The following METTL4 variants were observed in gnomAD, a reference collection of about 807,000 sequenced individuals.
METTL4 encodes the protein N(6)-adenine-specific methyltransferase METTL4.
METTL4 carries 40 observed loss-of-function variants against 54.0 expected under a neutral mutation model. The observed-to-expected ratio is 0.74, with a 90% CI of 0.58 to 0.96. The LOEUF is 0.96. METTL4 is among the 50% of genes least tolerant of loss of function. The pLI is 0.00. For synonymous variants in METTL4, 169 were observed against 183.8 expected, an observed-to-expected ratio of 0.92 and a Z score of 0.65; for missense variants, 525 against 549.0, an observed-to-expected ratio of 0.96 and a Z score of 0.44.
chr18:2,546,438 C>T (rs996704753), intron 6 of METTL4, among the ~76,000 whole-genome samples: 1 of 152,158 alleles, frequency 6.6e-6, no homozygotes, highest in African/African-American at 2.4e-5. Flanking sequence ...TCAGTACCAT[C>T]CATGGTTTCA....
rs543307631 is a variant in METTL4 at position 2,547,603 on chromosome 18, A to G, written c.900-74T>C. The G allele has an allele frequency of 1.2e-5, 14 of 1,161,680 alleles. No individual in the cohort carries two copies. In the East Asian group the frequency reaches 3.5e-4, roughly 29 times the overall value. 72.0% of individuals were successfully genotyped at this position (1,161,680 alleles called of 1,614,324 possible). A position where few individuals can be genotyped will look rare whatever the true frequency, so the allele number is the denominator to read the frequency against. On this transcript the variant is annotated intron_variant, in intron 5 of 8. Transcript: ENST00000574538. ...AAAACTAAGCAGGGATAAGACATGC[A>G]TAACACAGACTCCACAAATGCAAAG...
intron 3 of METTL4, chr18:2,561,650 A>C (rs2072320291): frequency 6.6e-6 from 1 of 152,240 alleles, no homozygotes; most frequent in Non-Finnish European, 1.5e-5. Flanking sequence ...GCACTACCGG[A>C]TAGTCAAACC....
At position 2,544,778 on chromosome 18, in the gene METTL4, C is replaced by G; in HGVS notation, c.1075-19G>C. 6.5e-7 allele frequency: 1 copy of G among 1,532,838 alleles called. No homozygotes were observed. The highest frequency in any genetic ancestry group is 9.0e-7 in the Non-Finnish European group (1 of 1,108,732). 95.0% of individuals were successfully genotyped at this position (1,532,838 alleles called of 1,614,324 possible). ...TGGTTATCTGATAGGAAGGAGCCAACAAAAGAGGGTTATTTTTTCCCATCA... is the reference window on the plus strand; with the variant it reads ...TGGTTATCTGATAGGAAGGAGCCAAGAAAAGAGGGTTATTTTTTCCCATCA... On this transcript the variant is annotated intron_variant, in intron 6 of 8. Transcript: ENST00000574538.
rs116139951 is a variant in METTL4, at chr18:2,547,899, G to T, written c.900-370C>A. Among the ~76,000 whole-genome samples, 695 of 152,162 alleles carry T rather than the reference G, an allele frequency of 4.6e-3. 7 individuals are homozygous for T. Among genetic ancestry groups the T allele is most frequent in the African/African-American group, 0.016 (660 of 41,498 alleles). On this transcript the variant is annotated intron_variant, in intron 5 of 8. Coordinates refer to ENST00000574538, the MANE Select transcript of METTL4 (RefSeq NM_022840.5). ...GCCCTGTCACAGTGAGTCTTGAAACGAGTCTCTCAATAACCTAAGTCAAAC... is the reference window on the plus strand; with the variant it reads ...GCCCTGTCACAGTGAGTCTTGAAACTAGTCTCTCAATAACCTAAGTCAAAC...
intron 2 of METTL4, among the ~76,000 whole-genome samples, chr18:2,565,171 C>T (rs992787373): frequency 4.0e-5 from 6 of 151,848 alleles, no homozygotes; most frequent in Non-Finnish European, 7.4e-5. Flanking sequence ...CCCAGCTACT[C>T]GGGAGGCTGA....
At chr18:2,542,383 A>G (rs1000397669) in intron 8 of METTL4, among the ~76,000 whole-genome samples, 1 of 126,738 alleles carries the variant, frequency 7.9e-6, no homozygotes, top group Admixed American at 9.6e-5. Context: ...CAGTCCCCAG[A>G]GTGTGATGTT....
intron 1 of METTL4, among the ~76,000 whole-genome samples, chr18:2,570,465 G>C (rs2072486450): frequency 6.6e-6 from 1 of 152,186 alleles, no homozygotes; most frequent in Non-Finnish European, 1.5e-5. Flanking sequence ...CAACTATCTA[G>C]TCAGAAAAGC....
chr18:2,551,923 G>C (rs531553406), intron 5 of METTL4, among the ~76,000 whole-genome samples: 1 of 152,184 alleles, frequency 6.6e-6, no homozygotes, highest in African/African-American at 2.4e-5. Context: ...GGCCAGGCAC[G>C]GTGGCTCACG....
intron 8 of METTL4, chr18:2,540,424 G>A: frequency 1.0e-6 from 1 of 982,968 alleles, no homozygotes; most frequent in Non-Finnish European, 1.2e-6. Context: ...AGACAGGTAA[G>A]GTTTAAAAGA....
rs1355423499 is a variant in METTL4, at chr18:2,567,598, C to CT, written c.-383dup. ...TTGCTTTGGTCCTTGGGTCTAGCCA[C>CT]TAGGTCCACATCCTCCAAGTCAGGA... On this transcript the variant is annotated 5_prime_UTR_variant, in exon 2 of 9. The change abolishes the stop of an existing upstream ORF in the 5' untranslated region. Transcript: ENST00000574538. 6.1e-6 allele frequency: 1 copy of CT among 162,828 alleles called. No homozygotes were observed. The highest frequency in any genetic ancestry group is 2.4e-5 in the African/African-American group (1 of 41,600). 10.1% of individuals were successfully genotyped at this position (162,828 alleles called of 1,614,324 possible).
At chr18:2,557,444 G>C (rs2072255372) in intron 3 of METTL4, among the ~76,000 whole-genome samples, 1 of 152,182 alleles carries the variant, frequency 6.6e-6, no homozygotes, top group Non-Finnish European at 1.5e-5. Flanking sequence ...TCTCTGAGCA[G>C]AGGCACTGAC....
intron 8 of METTL4, chr18:2,540,921 C>CTAGT: frequency 1.0e-6 from 1 of 985,204 alleles, no homozygotes; most frequent in Admixed American, 6.1e-5. Context: ...TCTGAGCACC[C>CTAGT]ACTATAATCA....
At chr18:2,543,423 T>C (rs73938957) in intron 8 of METTL4, among the ~76,000 whole-genome samples, 1,719 of 152,296 alleles carry the variant, frequency 0.011, 27 homozygotes, top group South Asian at 0.042. Context: ...TATTTCTATG[T>C]TTTTAAACTC....
At chr18:2,544,899 T>G (rs1210268950) in intron 6 of METTL4, 140 bp from the exon 7 acceptor site, 5 of 500,556 alleles carry the variant, frequency 1.0e-5, no homozygotes, top group Non-Finnish European at 1.8e-5. Context: ...CATTTTAAAT[T>G]TTCTAATAGA....
intron 2 of METTL4, among the ~76,000 whole-genome samples, chr18:2,565,278 CA>C (rs1388205365): frequency 0.01 from 1,446 of 142,958 alleles, 28 homozygotes; most frequent in African/African-American, 0.035. Flanking sequence ...GACTCCGTCT[CA>C]AAAAAAAAAA....
chr18:2,550,935 C>T (rs948708929), intron 5 of METTL4, among the ~76,000 whole-genome samples: 4 of 151,768 alleles, frequency 2.6e-5, no homozygotes, highest in African/African-American at 4.8e-5. Flanking sequence ...GAGGCCGAGG[C>T]GGGCGGATCA....
chr18:2,557,619 G>C (rs771581820), intron 3 of METTL4, among the ~76,000 whole-genome samples: 5 of 152,202 alleles, frequency 3.3e-5, no homozygotes, highest in Non-Finnish European at 5.9e-5. Context: ...TAAAAGATGA[G>C]AGTTCCCTAA....
chr18:2,566,789 G>A (rs1468636063), intron 2 of METTL4, 32 bp downstream of exon 2: 8 of 1,451,042 alleles, frequency 5.5e-6, no homozygotes, highest in African/African-American at 1.4e-5. Flanking sequence ...ATGTTTTCTG[G>A]AGAAAAATAA....
intron 4 of METTL4, chr18:2,553,009 T>C (rs58548204): frequency 0.012 from 4,855 of 415,608 alleles, 110 homozygotes; most frequent in East Asian, 0.065. Context: ...TATCTGCAGA[T>C]GACTACAGCT....
Sources: allele counts gnomAD v4.1 joint callset (sites outside exome capture counted in the v4.1 genomes callset), GRCh38; gene constraint gnomAD v4.1.1; transcripts MANE v1.5; gene names NCBI Gene and HGNC (gene_info 2026-07-23, HGNC 2026-07-21).